The following SYNJ2BP variants were observed in gnomAD, a reference collection of about 807,000 sequenced individuals.
SYNJ2BP encodes synaptojanin 2 binding protein.
In SYNJ2BP, 10 loss-of-function variants were observed where a neutral mutation model predicts 16.9. The observed-to-expected ratio is 0.59, with a 90% CI of 0.36 to 1.00. The LOEUF (loss-of-function observed/expected upper bound fraction) is 1.00. Among genes scored for constraint, SYNJ2BP ranks in the 50% least tolerant of loss-of-function variants. SYNJ2BP has a pLI of 0.01. For synonymous variants in SYNJ2BP, 54 were observed against 68.4 expected, an observed-to-expected ratio of 0.79 and a Z score of 1.04; for missense variants, 162 against 186.7, an observed-to-expected ratio of 0.87 and a Z score of 0.77.
At chr14:70,375,808 G>A (rs753900240) in intron 2 of SYNJ2BP, 37 bp from the exon 3 acceptor site, 5 of 1,604,244 alleles carry the variant, frequency 3.1e-6, no homozygotes, top group Non-Finnish European at 4.2e-6. Flanking sequence ...AAAGGAAGAA[G>A]GCTATTAGAA....
intron 1 of SYNJ2BP, among the ~76,000 whole-genome samples, chr14:70,398,446 C>G (rs997813317): frequency 2.6e-5 from 4 of 152,208 alleles, no homozygotes; most frequent in African/African-American, 7.2e-5. Context: ...CCCCAGGATT[C>G]CCCTCATGCT....
chr14:70,376,948 C>T (rs1352073547), intron 2 of SYNJ2BP, among the ~76,000 whole-genome samples: 3 of 152,178 alleles, frequency 2.0e-5, no homozygotes, highest in African/African-American at 7.2e-5. Context: ...CTTCCCTCTA[C>T]TCTCTCTCTT....
intron 2 of SYNJ2BP, among the ~76,000 whole-genome samples, chr14:70,387,711 G>A (rs1192302807): frequency 6.6e-6 from 1 of 151,698 alleles, no homozygotes; most frequent in Non-Finnish European, 1.5e-5. Flanking sequence ...GGGGCCTGTA[G>A]TCCCAACTAC....
At chr14:70,385,393 G>A (rs1009223050) in intron 2 of SYNJ2BP, among the ~76,000 whole-genome samples, 14 of 151,746 alleles carry the variant, frequency 9.2e-5, no homozygotes, top group East Asian at 7.7e-4. Context: ...GTCTCACTCC[G>A]TCGCCCAGGC....
chr14:70,380,362 T>G (rs12146968), intron 2 of SYNJ2BP, among the ~76,000 whole-genome samples: 69,805 of 152,052 alleles, frequency 0.46, 16,974 homozygotes, highest in South Asian at 0.56. Flanking sequence ...GTTACACATT[T>G]AAAAAGTGTT....
chr14:70,386,725 A>T (rs1887866846), intron 2 of SYNJ2BP, among the ~76,000 whole-genome samples: 1 of 152,234 alleles, frequency 6.6e-6, no homozygotes, highest in Admixed American at 6.5e-5. Flanking sequence ...TAAGCTGACA[A>T]CTAAGAAGAG....
intron 1 of SYNJ2BP, among the ~76,000 whole-genome samples, chr14:70,409,388 G>A (rs1888419923): frequency 6.6e-6 from 1 of 152,144 alleles, no homozygotes; most frequent in Non-Finnish European, 1.5e-5. Context: ...TCTAAGTATA[G>A]TTTGGCTATT....
At chr14:70,404,174 T>C (rs115858901) in intron 1 of SYNJ2BP, among the ~76,000 whole-genome samples, 6,270 of 108,952 alleles carry the variant, frequency 0.058, 159 homozygotes, top group Middle Eastern at 0.1. Context: ...AAATGAAAAA[T>C]TAAAAAAAAA....
intron 1 of SYNJ2BP, among the ~76,000 whole-genome samples, chr14:70,398,678 G>A (rs539817064): frequency 2.1e-4 from 32 of 152,298 alleles, no homozygotes; most frequent in South Asian, 4.1e-4. Flanking sequence ...GCCCCTGAGG[G>A]TGAAGAGTGC....
intron 2 of SYNJ2BP, among the ~76,000 whole-genome samples, chr14:70,382,357 T>TAC (rs1339906389): frequency 6.6e-6 from 1 of 152,206 alleles, no homozygotes; most frequent in Non-Finnish European, 1.5e-5. Context: ...TTGCTTCAAA[T>TAC]ACACACACAC....
Position 70,367,278 on chromosome 14 carries a change from T to C in SYNJ2BP, c.*5713A>G, listed in dbSNP as rs1198181308. ...CTTTGTGTTCTGTATATAAATTACA[T>C]AATACAAGAGTCTGTGGCAGTTAAG... On this transcript the variant is annotated 3_prime_UTR_variant, in exon 4 of 4. Coordinates refer to ENST00000256366, the MANE Select transcript of SYNJ2BP (RefSeq NM_018373.3). 2 of 152,162 alleles carry C rather than the reference T, an allele frequency of 1.3e-5. No homozygotes were observed. The highest frequency in any genetic ancestry group is 2.9e-5 in the Non-Finnish European group (2 of 68,034). The allele number at this position is 152,162 out of a possible 1,614,324, so 9.4% of individuals were successfully genotyped here.
Position 70,410,417 on chromosome 14 carries a change from CTA to C in SYNJ2BP, c.64+6481_64+6482del, listed in dbSNP as rs369801624. 2.5e-4 allele frequency among the ~76,000 whole-genome samples: 38 copies of C among 152,236 alleles called. 1 individual carries two copies. Among genetic ancestry groups the C allele is most frequent in the African/African-American group, 9.1e-4 (38 of 41,546 alleles). ...CCAGCCTCGGTGACAAAGTAAGACC[CTA>C]TGTCATAAATAAATAAATATAAAAA... On this transcript the variant is annotated intron_variant, in intron 1 of 3. Coordinates refer to ENST00000256366, the MANE Select transcript of SYNJ2BP (RefSeq NM_018373.3).
rs1887516463 is a variant in SYNJ2BP, at chr14:70,371,435, T to A, written c.*1556A>T. On this transcript the variant is annotated 3_prime_UTR_variant, in exon 4 of 4. Coordinates refer to ENST00000256366, the MANE Select transcript of SYNJ2BP (RefSeq NM_018373.3). Reference sequence around the variant, plus strand: ...AATCCATGCCTTTCTTTTTTTGAGATGGAGTCTTGCTCTGTAGCCCAGGCT... The same window carrying A: ...AATCCATGCCTTTCTTTTTTTGAGAAGGAGTCTTGCTCTGTAGCCCAGGCT... 6.6e-6 allele frequency: 1 copy of A among 152,518 alleles called. No individual in the cohort carries two copies. The highest frequency in any genetic ancestry group is 6.5e-5 in the Admixed American group (1 of 15,304). The allele number at this position is 152,518 out of a possible 1,614,324, so 9.4% of individuals were successfully genotyped here.
chr14:70,393,571 G>T (rs1888024409), intron 1 of SYNJ2BP, among the ~76,000 whole-genome samples: 1 of 152,158 alleles, frequency 6.6e-6, no homozygotes, highest in Non-Finnish European at 1.5e-5. Flanking sequence ...ATCAACAATA[G>T]ACTGGATAAA....
In SYNJ2BP at chr14:70,417,010, C is replaced by A. The variant is rs1446358639; in HGVS notation, c.-47G>T. 2 of 1,613,732 alleles carry A rather than the reference C, an allele frequency of 1.2e-6. No homozygotes were observed. The highest frequency in any genetic ancestry group is 1.7e-6 in the Non-Finnish European group (2 of 1,179,882). On this transcript the variant is annotated 5_prime_UTR_variant, in exon 1 of 4. Coordinates refer to ENST00000256366, the MANE Select transcript of SYNJ2BP (RefSeq NM_018373.3). ...CCTACTTGGGTCAGCTGGAGTGCAG[C>A]ACAGGTGAAGGTGAATCAATCTCGG...
At chr14:70,397,025 C>T (rs1438764535) in intron 1 of SYNJ2BP, among the ~76,000 whole-genome samples, 2 of 152,122 alleles carry the variant, frequency 1.3e-5, no homozygotes, top group Non-Finnish European at 2.9e-5. Context: ...GTTGCCTGTG[C>T]TTTTGGTATC....
chr14:70,372,788 T>C lies in SYNJ2BP; in HGVS notation c.*203A>G, dbSNP rs1314785573. The stretch of plus-strand genomic sequence containing the variant: ...TCCTCATTTGTTCTAAGCCAAGTCT[T>C]TTCTTCAGTTTTCCTTCAAACAATA... On this transcript the variant is annotated 3_prime_UTR_variant, in exon 4 of 4. Transcript: ENST00000256366. 6 of 708,158 alleles carry C rather than the reference T, an allele frequency of 8.5e-6. No homozygotes were observed. The highest frequency in any genetic ancestry group is 3.2e-5 in the Admixed American group (1 of 30,938). The allele number at this position is 708,158 out of a possible 1,614,324, so 43.9% of individuals were successfully genotyped here.
Position 70,375,722 on chromosome 14 carries a change from AGGTCTACAG to A in SYNJ2BP, c.242_250del (p.Ala81_Leu84delinsVal). On this transcript the variant is annotated inframe_deletion, in exon 3 of 4. Transcript: ENST00000256366. ...CACAGCATAGCCTGCATTACGAAAGAGGTCTACAGCATCCTGGTGCAGCAGGTTCTTTAG... is the reference window on the plus strand; with the variant it reads ...CACAGCATAGCCTGCATTACGAAAGACATCCTGGTGCAGCAGGTTCTTTAG... The A allele has an allele frequency of 6.2e-7, 1 of 1,614,146 alleles. No homozygotes were observed. Among genetic ancestry groups the A allele is most frequent in the Non-Finnish European group, 8.5e-7 (1 of 1,180,008 alleles).
chr14:70,392,747 A>C (rs1360778649), intron 1 of SYNJ2BP, among the ~76,000 whole-genome samples: 1 of 152,228 alleles, frequency 6.6e-6, no homozygotes, highest in African/African-American at 2.4e-5. Flanking sequence ...ATCCCCCTTA[A>C]GAGTAGTTTC....
Sources: gnomAD v4.1 joint callset for allele counts (sites outside exome capture counted in the v4.1 genomes callset) on GRCh38, gnomAD v4.1.1 for gene constraint, MANE v1.5 for transcripts, NCBI Gene and HGNC (gene_info 2026-07-23, HGNC 2026-07-21) for gene names.